C11orf65: variants seen among roughly 807,000 people sequenced by gnomAD.
C11orf65 encodes chromosome 11 open reading frame 65.
C11orf65 carries 38 observed loss-of-function variants against 35.3 expected under a neutral mutation model. The ratio of observed to expected loss-of-function variants is 1.08; its 90% CI spans 0.83 to 1.41. The LOEUF is 1.41. C11orf65 is among the 40% of genes most tolerant of loss of function. C11orf65 has a pLI of 0.00. For synonymous variants in C11orf65, 105 were observed against 114.4 expected (o/e 0.92, Z 0.53); for missense variants, 370 against 367.1 (o/e 1.01, Z -0.06).
chr11:108,340,399 CACAAT>C (rs1189249253), intron 2 of C11orf65: 1 of 152,056 alleles, frequency 6.6e-6, no homozygotes, highest in East Asian at 1.9e-4. Context: ...AAACCATTCT[CACAAT>C]ACTGTCATCA....
intron 6 of C11orf65, among the ~76,000 whole-genome samples, chr11:108,393,977 C>T (rs1371878408): frequency 3.3e-5 from 5 of 151,924 alleles, no homozygotes; most frequent in East Asian, 1.9e-4. Flanking sequence ...GTCAGGAGTT[C>T]GAGACCAGCC....
intron 7 of C11orf65, among the ~76,000 whole-genome samples, chr11:108,392,056 T>G (rs541167653): frequency 8.6e-5 from 13 of 150,358 alleles, no homozygotes; most frequent in East Asian, 7.8e-4. Flanking sequence ...ACTTGGCTTT[T>G]TGTGTGTGTG....
rs2092369103 is a variant in C11orf65, at chr11:108,398,486, G to A, written c.561-5108C>T. ...AGAAATTCAGTTTTGGAACTGTTGA[G>A]TTTGATATAGAAATGCCCACATAAT... is the stretch of plus-strand genomic sequence containing the variant. On this transcript the variant is annotated intron_variant, in intron 6 of 8. Coordinates refer to ENST00000393084, the MANE Select transcript of C11orf65 (RefSeq NM_152587.5). Among the ~76,000 whole-genome samples the A allele has an allele frequency of 2.6e-5, 4 of 152,212 alleles. No homozygotes were observed. The South Asian group carries it at 8.3e-4, about 32-fold the overall frequency.
intron 2 of C11orf65, among the ~76,000 whole-genome samples, chr11:108,375,784 G>A (rs1379161529): frequency 6.6e-6 from 1 of 151,928 alleles, no homozygotes; most frequent in African/African-American, 2.4e-5. Flanking sequence ...TAAAAGGATG[G>A]AGGAAGATCT....
At chr11:108,321,524 T>C (rs957645333) in intron 6 of C11orf65, 50 of 1,531,420 alleles carry the variant, frequency 3.3e-5, no homozygotes, top group Non-Finnish European at 4.3e-5. Flanking sequence ...GGCTCATGCC[T>C]GTAATCCTAG....
chr11:108,459,810 G>A (rs1050000635), intron 2 of C11orf65, among the ~76,000 whole-genome samples: 7 of 151,024 alleles, frequency 4.6e-5, no homozygotes, highest in Non-Finnish European at 7.4e-5. Flanking sequence ...GCTCCTTCAA[G>A]GGCAAGGATG....
intron 2 of C11orf65, among the ~76,000 whole-genome samples, chr11:108,451,689 C>T (rs756717747): frequency 2.0e-5 from 3 of 152,162 alleles, no homozygotes; most frequent in Non-Finnish European, 4.4e-5. Flanking sequence ...AAAGAGCCTG[C>T]ATTGCCAAGA....
chr11:108,455,586 G>C (rs1053025559), intron 2 of C11orf65, among the ~76,000 whole-genome samples: 4 of 152,040 alleles, frequency 2.6e-5, no homozygotes, highest in African/African-American at 9.7e-5. Flanking sequence ...GGGAGGTCGA[G>C]GCGGGCGGAT....
chr11:108,379,615 T>C (rs997397062), downstream of C11orf65, among the ~76,000 whole-genome samples: 2 of 151,370 alleles, frequency 1.3e-5, no homozygotes, highest in African/African-American at 2.4e-5. Flanking sequence ...ACCCTAAAAC[T>C]TAAAGTATAA....
At chr11:108,450,487 A>G (rs956538772) in intron 2 of C11orf65, among the ~76,000 whole-genome samples, 1 of 151,596 alleles carries the variant, frequency 6.6e-6, no homozygotes, top group Non-Finnish European at 1.5e-5. Context: ...ACATGGATAA[A>G]ACTGGAAACC....
chr11:108,436,602 C>A (rs2043272214), intron 2 of C11orf65, among the ~76,000 whole-genome samples: 1 of 152,136 alleles, frequency 6.6e-6, no homozygotes, highest in African/African-American at 2.4e-5. Flanking sequence ...GTAGACTCAG[C>A]TGGGTTATTC....
intron 1 of C11orf65, among the ~76,000 whole-genome samples, chr11:108,463,725 G>C (rs1001209123): frequency 3.3e-5 from 5 of 152,114 alleles, no homozygotes; most frequent in African/African-American, 1.2e-4. Context: ...ATTTAGTATA[G>C]TTTCTGACCC....
At chr11:108,368,342 A>G (rs2091440176) in intron 2 of C11orf65, 1 of 214,720 alleles carries the variant, frequency 4.7e-6, no homozygotes, top group Non-Finnish European at 9.4e-6. Flanking sequence ...GCAAATGACT[A>G]AGATAGAAAA....
At chr11:108,468,676 G>A (rs1000466047), upstream of C11orf65, among the ~76,000 whole-genome samples, 3 of 152,144 alleles carry the variant, frequency 2.0e-5, no homozygotes, top group African/African-American at 7.2e-5. Context: ...AGCAAGGGGT[G>A]AGCTTCAGTT....
chr11:108,318,286 C>T (rs1293409258), intron 6 of C11orf65, among the ~76,000 whole-genome samples: 1 of 151,730 alleles, frequency 6.6e-6, no homozygotes, highest in African/African-American at 2.4e-5. Flanking sequence ...TGCTAGAACA[C>T]GGGAGACGGA....
chr11:108,317,652 T>TACAC lies in C11orf65; in HGVS notation c.641-8585_641-8582dup, dbSNP rs1181493043. ...ATATATATATATATATATATATATA[T>TACAC]ACACACACACACACACACACACTAT... On this transcript the variant is annotated intron_variant, in intron 6 of 6. Transcript: ENST00000525729. 310 of 118,306 alleles carry TACAC rather than the reference T, an allele frequency of 2.6e-3. 5 individuals carry two copies. Among genetic ancestry groups the TACAC allele is most frequent in the African/African-American group, 0.013 (261 of 19,776 alleles). 7.3% of individuals were successfully genotyped at this position (118,306 alleles called of 1,614,324 possible).
At chr11:108,386,878 G>A (rs954216507) in intron 7 of C11orf65, among the ~76,000 whole-genome samples, 2 of 151,948 alleles carry the variant, frequency 1.3e-5, no homozygotes, top group South Asian at 2.1e-4. Context: ...TCAGGAGATC[G>A]AGACGACCCT....
chr11:108,396,742 G>A (rs189381433), intron 6 of C11orf65, among the ~76,000 whole-genome samples: 259 of 151,920 alleles, frequency 1.7e-3, no homozygotes, highest in African/African-American at 6.0e-3. Flanking sequence ...GCTGAGGCGG[G>A]AGAATGGCAT....
At position 108,310,201 on chromosome 11, in the gene C11orf65, A is replaced by AT; in HGVS notation, c.641-1131dup. 1 of 1,613,616 alleles carries AT rather than the reference A, an allele frequency of 6.2e-7. No homozygotes were observed. The highest frequency in any genetic ancestry group is 1.1e-5 in the South Asian group (1 of 91,058). The stretch of plus-strand genomic sequence containing the variant: ...ATTTTTAATGATGCTTTCTGGCTGG[A>AT]TTTAAATTATCTAGAAGTTGCCAAG... On this transcript the variant is annotated intron_variant, in intron 6 of 6. Coordinates refer to the C11orf65 transcript ENST00000525729.
Sources: gnomAD v4.1 joint callset for allele counts (sites outside exome capture counted in the v4.1 genomes callset) on GRCh38, gnomAD v4.1.1 for gene constraint, MANE v1.5 for transcripts, NCBI Gene and HGNC (gene_info 2026-07-23, HGNC 2026-07-21) for gene names.